Variants in PTPRN2 observed in about 807,000 individuals in gnomAD.
PTPRN2 encodes protein tyrosine phosphatase receptor type N2.
A neutral mutation model predicts 118.8 loss-of-function variants in PTPRN2; 74 were observed. The observed-to-expected ratio is 0.62, with a 90% CI of 0.52 to 0.76. PTPRN2 has a LOEUF of 0.76. Ranked by LOEUF, PTPRN2 falls within the 30% of genes least tolerant of loss-of-function variation. PTPRN2 has a pLI of 0.00. For missense variants in PTPRN2, 1,481 were observed against 1,394.4 expected, an observed-to-expected ratio of 1.06 and a Z score of -0.99; for synonymous variants, 641 against 608.0, an observed-to-expected ratio of 1.05 and a Z score of -0.80.
At chr7:157,875,040 C>A (rs1348208539) in intron 12 of PTPRN2, among the ~76,000 whole-genome samples, 2 of 152,048 alleles carry the variant, frequency 1.3e-5, no homozygotes, top group African/African-American at 2.4e-5. Flanking sequence ...CAGACACACA[C>A]ACGCGCACAC....
chr7:158,419,386 C>CA (rs139564652), intron 2 of PTPRN2, among the ~76,000 whole-genome samples: 19 of 152,226 alleles, frequency 1.2e-4, no homozygotes, highest in Admixed American at 1.0e-3. Flanking sequence ...GCAAGAATTC[C>CA]TTCACTGCAA....
intron 1 of PTPRN2, among the ~76,000 whole-genome samples, chr7:158,513,690 T>C (rs1016601531): frequency 4.6e-5 from 7 of 152,224 alleles, no homozygotes; most frequent in Admixed American, 1.3e-4. Context: ...TTAATACTTC[T>C]TAACACAGAA....
At chr7:157,939,726 G>A (rs531913579) in intron 11 of PTPRN2, among the ~76,000 whole-genome samples, 3 of 152,354 alleles carry the variant, frequency 2.0e-5, no homozygotes, top group African/African-American at 7.2e-5. Flanking sequence ...CTTACAACCT[G>A]TGTTAATACC....
rs766667838 is a variant in PTPRN2, at chr7:157,722,819, C to T, written c.1789-39882G>A. Reference sequence around the variant, plus strand: ...AGGGAGAAGGCAGGGGTGAGCGAGGCGGTGCAGGGTGGGGCTCTGCTCCCA... The same window carrying T: ...AGGGAGAAGGCAGGGGTGAGCGAGGTGGTGCAGGGTGGGGCTCTGCTCCCA... On this transcript the variant is annotated intron_variant, in intron 12 of 22. Coordinates refer to ENST00000389418, the MANE Select transcript of PTPRN2 (RefSeq NM_002847.5). Among the ~76,000 whole-genome samples the T allele has an allele frequency of 4.6e-5, 7 of 151,534 alleles. 1 individual carries two copies. The highest frequency in any genetic ancestry group is 1.2e-4 in the African/African-American group (5 of 41,194).
intron 1 of PTPRN2, among the ~76,000 whole-genome samples, chr7:158,495,931 G>A (rs1019004002): frequency 5.9e-5 from 9 of 151,994 alleles, no homozygotes; most frequent in African/African-American, 2.2e-4. Flanking sequence ...GAGGAGGAAG[G>A]CTCCTCCCAG....
intron 11 of PTPRN2, among the ~76,000 whole-genome samples, chr7:157,906,168 T>C (rs1263504494): frequency 6.6e-6 from 1 of 152,192 alleles, no homozygotes; most frequent in African/African-American, 2.4e-5. Flanking sequence ...AAAGCGGAAG[T>C]CATTCCTGGG....
In PTPRN2 at chr7:158,497,682, GTTA is replaced by G. The variant is rs1372151735; in HGVS notation, c.113-7900_113-7898del. 4.6e-5 allele frequency among the ~76,000 whole-genome samples: 7 copies of G among 152,354 alleles called. No individual in the cohort carries two copies. In the South Asian group the frequency reaches 6.2e-4, roughly 14 times the overall value. Reference sequence around the variant, plus strand: ...ACCTACAAGGCAGGACCCCAAAACAGTTATTAAGTGGCATGTTCTCTGCGCCGC... The same window carrying G: ...ACCTACAAGGCAGGACCCCAAAACAGTTAAGTGGCATGTTCTCTGCGCCGC... On this transcript the variant is annotated intron_variant, in intron 1 of 22. Transcript: ENST00000389418.
At chr7:158,434,082 ATTTG>A (rs1012161032) in intron 2 of PTPRN2, among the ~76,000 whole-genome samples, 1 of 152,104 alleles carries the variant, frequency 6.6e-6, no homozygotes, top group African/African-American at 2.4e-5. Context: ...ATATGTTAAG[ATTTG>A]TTTATCTGAT....
chr7:158,299,433 G>A (rs1052595333), intron 3 of PTPRN2, among the ~76,000 whole-genome samples: 2 of 152,034 alleles, frequency 1.3e-5, no homozygotes, highest in Admixed American at 6.6e-5. Flanking sequence ...GAGTAGCTGG[G>A]ACTACAGGTG....
chr7:157,975,401 G>A (rs895270403), intron 11 of PTPRN2, among the ~76,000 whole-genome samples: 5 of 152,108 alleles, frequency 3.3e-5, no homozygotes, highest in African/African-American at 7.2e-5. Context: ...CAATCTCCTC[G>A]TCCCTGTGAT....
chr7:157,979,528 A>G (rs1398304537), intron 11 of PTPRN2, among the ~76,000 whole-genome samples: 1 of 152,234 alleles, frequency 6.6e-6, no homozygotes, highest in Admixed American at 6.5e-5. Flanking sequence ...AACACATGAC[A>G]GTCCTCTAAT....
chr7:158,500,916 G>A (rs1397412093), intron 1 of PTPRN2, among the ~76,000 whole-genome samples: 1 of 152,232 alleles, frequency 6.6e-6, no homozygotes, highest in African/African-American at 2.4e-5. Context: ...CTGCTGGGCC[G>A]CGCTCCTCAC....
intron 11 of PTPRN2, among the ~76,000 whole-genome samples, chr7:157,998,337 A>G (rs11984274): frequency 0.67 from 102,192 of 152,114 alleles, 34,752 homozygotes; most frequent in East Asian, 0.88. Flanking sequence ...GCTCAGAGCC[A>G]GGAGCAGCAG....
In PTPRN2 at chr7:157,944,922, TAAAC is replaced by T. The variant is rs1305957049; in HGVS notation, c.1724-46189_1724-46186del. Among the ~76,000 whole-genome samples, 1 of 152,220 alleles carries T rather than the reference TAAAC, an allele frequency of 6.6e-6. No individual in the cohort carries two copies. Among genetic ancestry groups the T allele is most frequent in the East Asian group, 1.9e-4 (1 of 5,198 alleles). ...TGAATCCTGCCTAGTATTTATACAG[TAAAC>T]AGAGACTCTGAAATAAACACCGTGC... On this transcript the variant is annotated intron_variant, in intron 11 of 22. Coordinates refer to ENST00000389418, the MANE Select transcript of PTPRN2 (RefSeq NM_002847.5). This position sits in a 1 kb window ranked among gnomAD's most constrained non-coding sequence, Gnocchi z 4.3.
chr7:158,465,715 C>A (rs1342785192), intron 2 of PTPRN2, among the ~76,000 whole-genome samples: 1 of 152,226 alleles, frequency 6.6e-6, no homozygotes, highest in African/African-American at 2.4e-5. Context: ...TCCCAAGACA[C>A]TGCCCTGAAT....
At chr7:157,793,132 G>A (rs1037406339) in intron 12 of PTPRN2, among the ~76,000 whole-genome samples, 17 of 152,100 alleles carry the variant, frequency 1.1e-4, no homozygotes, top group African/African-American at 4.1e-4. Context: ...TGCGGTTGTG[G>A]TCGGGAGAAT....
At chr7:157,983,839 AG>A (rs1803505484) in intron 11 of PTPRN2, among the ~76,000 whole-genome samples, 2 of 152,202 alleles carry the variant, frequency 1.3e-5, no homozygotes, top group South Asian at 4.1e-4. Flanking sequence ...TCAGCTCAAA[AG>A]CTGTGGGTCT....
intron 13 of PTPRN2, among the ~76,000 whole-genome samples, chr7:157,669,176 T>TCGCTTCGC (rs1796281767): frequency 6.6e-6 from 1 of 152,130 alleles, no homozygotes; most frequent in African/African-American, 2.4e-5. Flanking sequence ...AGGGCCACGC[T>TCGCTTCGC]CACTTCTGGA....
rs1190495268 is a variant in PTPRN2 at position 157,944,569 on chromosome 7, C to G, written c.1724-45832G>C. ...ATATAATAATTGTTTGAAAGCATAACATTTAAATCAGAAGCATCCCTAGAC... is the reference window on the plus strand; with the variant it reads ...ATATAATAATTGTTTGAAAGCATAAGATTTAAATCAGAAGCATCCCTAGAC... On this transcript the variant is annotated intron_variant, in intron 11 of 22. Coordinates refer to ENST00000389418, the MANE Select transcript of PTPRN2 (RefSeq NM_002847.5). This position sits in a 1 kb window ranked among gnomAD's most constrained non-coding sequence, Gnocchi z 4.3. Among the ~76,000 whole-genome samples the G allele has an allele frequency of 6.6e-6, 1 of 152,228 alleles. No individual in the cohort carries two copies. The highest frequency in any genetic ancestry group is 1.5e-5 in the Non-Finnish European group (1 of 68,044).
Sources: allele counts gnomAD v4.1 joint callset (sites outside exome capture counted in the v4.1 genomes callset), GRCh38; gene constraint gnomAD v4.1.1; non-coding constraint Gnocchi (gnomAD v3.1); transcripts MANE v1.5; gene names NCBI Gene and HGNC (gene_info 2026-07-23, HGNC 2026-07-21).